The following MYO9A variants were observed in gnomAD, a reference collection of about 807,000 sequenced individuals.
The protein encoded by MYO9A is myosin IXA.
MYO9A carries 103 observed loss-of-function variants against 293.3 expected under a neutral mutation model. That is an observed-to-expected ratio of 0.35 (90% confidence interval 0.30 to 0.41). The LOEUF (loss-of-function observed/expected upper bound fraction) is 0.41, where lower values mean the gene tolerates loss of function less well. MYO9A is among the 10% of genes least tolerant of loss of function. The pLI is 1.00. For synonymous variants in MYO9A, 1,001 were observed against 1,035.7 expected (o/e 0.97, Z 0.64); for missense variants, 2,685 against 3,033.0 (o/e 0.89, Z 2.69).
chr15:71,893,209 A>T, intron 26 of MYO9A: 1 of 1,234,354 alleles, frequency 8.1e-7, no homozygotes, highest in South Asian at 1.4e-5. Flanking sequence ...CAAATAACAC[A>T]ACAATGTTTG....
intron 1 of MYO9A, among the ~76,000 whole-genome samples, chr15:72,088,661 C>T (rs893081992): frequency 1.3e-5 from 2 of 152,134 alleles, no homozygotes; most frequent in African/African-American, 4.8e-5. Flanking sequence ...GAACCAACAA[C>T]CAAAAAGAGC....
At position 72,064,154 on chromosome 15, in the gene MYO9A, C is replaced by T. The variant is rs1054802361; in HGVS notation, c.-71-17520G>A. Among the ~76,000 whole-genome samples the T allele has an allele frequency of 2.0e-5, 3 of 152,112 alleles. No individual in the cohort carries two copies. The South Asian group carries it at 6.2e-4, about 32-fold the overall frequency. ...AAATAAAGAGTAGAGTGATGGTTAT[C>T]AGAGGCTGGGAAGAGTAGTAAAGGG... On this transcript the variant is annotated intron_variant, in intron 1 of 41. Coordinates refer to ENST00000356056, the MANE Select transcript of MYO9A (RefSeq NM_006901.4).
rs1311044488 is a variant in MYO9A, at chr15:72,020,982, G to C, written c.1034C>G (p.Ala345Gly). The change falls in exon 5 of 42, where the codon GCA (alanine) becomes GGA (glycine). Residue 345 changes from alanine to glycine, a missense_variant. Ala to Gly is a moderately conservative substitution (Grantham distance 60). This residue lies in a region of MYO9A where 289 missense variants were observed against 456.8 expected (regional missense o/e 0.63). Coordinates refer to ENST00000356056, the MANE Select transcript of MYO9A (RefSeq NM_006901.4). ...YHVFYYLLAGASEDERSAFHL... is the reference protein window; with the variant it reads ...YHVFYYLLAGGSEDERSAFHL... Reference sequence around the variant, plus strand: ...GAATGCTGATCTCTCATCTTCACTTGCTCCTGCCAGGAGGTAATAGAATAC... The same window carrying C: ...GAATGCTGATCTCTCATCTTCACTTCCTCCTGCCAGGAGGTAATAGAATAC... 1.3e-6 allele frequency: 2 copies of C among 1,553,288 alleles called. No homozygotes were observed. The highest frequency in any genetic ancestry group is 1.7e-6 in the Non-Finnish European group (2 of 1,158,624).
intron 1 of MYO9A, among the ~76,000 whole-genome samples, chr15:72,101,783 C>G (rs1488561902): frequency 1.4e-5 from 2 of 146,252 alleles, no homozygotes; most frequent in African/African-American, 5.0e-5. Context: ...AGGAGCCCCT[C>G]TGCCAGGCCA....
intron 1 of MYO9A, chr15:72,117,085 TGA>T (rs1236734875): frequency 6.6e-6 from 1 of 152,210 alleles, no homozygotes; most frequent in East Asian, 1.9e-4. Context: ...AGAGGTCTGT[TGA>T]GAGAGGCTAC....
rs557404638 is a variant in MYO9A at position 71,898,148 on chromosome 15, C to T, written c.4355G>A (p.Gly1452Glu). 6.2e-7 allele frequency: 1 copy of T among 1,614,086 alleles called. No individual in the cohort carries two copies. The highest frequency in any genetic ancestry group is 1.7e-5 in the Admixed American group (1 of 59,996). Reference sequence around the variant, plus strand: ...GTTGATATCCAAAGTAAGAGCTTCCCCCGCTGTGTCTTCATTTTCCAATAG... The same window carrying T: ...GTTGATATCCAAAGTAAGAGCTTCCTCCGCTGTGTCTTCATTTTCCAATAG... ...NKLLENEDTA[G>E]EALTLDINRE... Residue 1452 changes from glycine (G) to glutamate (E), a missense_variant, in exon 25 of 42, where the codon GGG becomes GAG. Around this residue, in one of 10 missense-constraint regions of MYO9A, gnomAD observed 1,434 missense variants for 1,497.7 expected, o/e 0.96. Coordinates refer to ENST00000356056, the MANE Select transcript of MYO9A (RefSeq NM_006901.4).
chr15:72,030,284 T>C (rs1228046231), intron 3 of MYO9A, among the ~76,000 whole-genome samples: 2 of 152,182 alleles, frequency 1.3e-5, no homozygotes, highest in African/African-American at 4.8e-5. Context: ...GCCCCTATTT[T>C]ACAAGTATAG....
intron 25 of MYO9A, among the ~76,000 whole-genome samples, chr15:71,896,129 C>A (rs2057319833): frequency 1.3e-5 from 2 of 152,168 alleles, no homozygotes; most frequent in African/African-American, 4.8e-5. Context: ...TTAAGCTCAA[C>A]TGCACTTTGT....
In MYO9A at chr15:71,938,927, C is replaced by T. The variant is rs201780029; in HGVS notation, c.2303G>A (p.Ser768Asn). Residue 768 changes from serine (S) to asparagine (N), a missense_variant and splice_region_variant, in exon 16 of 42, where the codon AGT becomes AAT. By Grantham distance (46) the Ser-to-Asn change is conservative (BLOSUM62 1). This residue lies in a region of MYO9A where 1,434 missense variants were observed against 1,497.7 expected (regional missense o/e 0.96). Coordinates refer to ENST00000356056, the MANE Select transcript of MYO9A (RefSeq NM_006901.4). ...ILQRCKEEKY[S>N]ITRKNPRTPL... The stretch of plus-strand genomic sequence containing the variant: ...TGTTCTGGGATTTTTCCGGGTTATA[C>T]CTAGCAAAATTTAAAAAACAGAAAA... 1,127 of 1,604,080 alleles carry T rather than the reference C, an allele frequency of 7.0e-4. 11 individuals are homozygous for T. In the South Asian group the frequency reaches 0.01, roughly 15 times the overall value.
Position 71,828,001 on chromosome 15 carries a change from C to A in MYO9A, c.7066G>T (p.Val2356Leu). ...EKEELTFEML[V>L]LEPRASDDET... ...TCATCAGAGGCACGGGGTTCCAGTACAAGCATCTCAAATGTTAGCTCCTCC... is the reference window on the plus strand; with the variant it reads ...TCATCAGAGGCACGGGGTTCCAGTAAAAGCATCTCAAATGTTAGCTCCTCC... The change falls in exon 41 of 42, where the codon GTA becomes TTA. Residue 2356 changes from valine to leucine, a missense_variant. Physicochemically the swap from Val to Leu is conservative, Grantham distance 32. Coordinates refer to ENST00000356056, the MANE Select transcript of MYO9A (RefSeq NM_006901.4). 6.2e-7 allele frequency: 1 copy of A among 1,613,620 alleles called. No individual in the cohort carries two copies. Among genetic ancestry groups the A allele is most frequent in the South Asian group, 1.1e-5 (1 of 91,022 alleles).
At position 71,823,547 on chromosome 15, in the gene MYO9A, G is replaced by A. The variant is rs2054353021; in HGVS notation, c.*3033C>T. The A allele has an allele frequency of 6.6e-6, 1 of 152,158 alleles. No individual in the cohort carries two copies. The highest frequency in any genetic ancestry group is 2.4e-5 in the African/African-American group (1 of 41,424). 9.4% of individuals were successfully genotyped at this position (152,158 alleles called of 1,614,324 possible). ...CCCAGAGTGGCAAAATAATTTAAAT[G>A]GCAGGAGGTACAAAGTACGTTGTAA... On this transcript the variant is annotated 3_prime_UTR_variant, in exon 42 of 42. Coordinates refer to ENST00000356056, the MANE Select transcript of MYO9A (RefSeq NM_006901.4).
At chr15:72,077,749 AAAAATATATATATAT>A (rs1416496612) in intron 1 of MYO9A, among the ~76,000 whole-genome samples, 7 of 33,330 alleles carry the variant, frequency 2.1e-4, no homozygotes, top group African/African-American at 5.7e-4. Context: ...AAAAAAAAAA[AAAAATATATATATAT>A]ATATATATAT....
chr15:71,938,921 G>T lies in MYO9A; in HGVS notation c.2309C>A (p.Thr770Asn), dbSNP rs759490481. Reference sequence around the variant, plus strand: ...AAGAGGTGTTCTGGGATTTTTCCGGGTTATACCTAGCAAAATTTAAAAAAC... The same window carrying T: ...AAGAGGTGTTCTGGGATTTTTCCGGTTTATACCTAGCAAAATTTAAAAAAC... The part of the protein sequence containing the change: ...QRCKEEKYSI[T>N]RKNPRTPLSD... Residue 770 changes from threonine (T) to asparagine (N), a missense_variant, in exon 16 of 42, where the codon ACC becomes AAC. Thr to Asn is a moderately conservative substitution (Grantham distance 65). Around this residue, in one of 10 missense-constraint regions of MYO9A, gnomAD observed 1,434 missense variants for 1,497.7 expected, o/e 0.96. Transcript: ENST00000356056. The T allele has an allele frequency of 2.5e-6, 4 of 1,606,274 alleles. No homozygotes were observed. Among genetic ancestry groups the T allele is most frequent in the African/African-American group, 2.7e-5 (2 of 74,370 alleles).
chr15:71,898,381 G>A lies in MYO9A; in HGVS notation c.4122C>T (p.Leu1374=), dbSNP rs754974010. The change falls in exon 25 of 42, where the codon CTC becomes CTT. Residue 1374 remains leucine (L), a synonymous_variant. Transcript: ENST00000356056. ...CACTGCTAGTCTCATTTGAGGCACT[G>A]AGGGCATTGTCCCGTGAATCAAATT... ...SPKFDSRDNA[L]SASNETSSAE... is the part of the protein sequence containing the mutation. 10 of 1,613,508 alleles carry A rather than the reference G, an allele frequency of 6.2e-6. 1 individual carries two copies. The highest frequency in any genetic ancestry group is 4.4e-5 in the South Asian group (4 of 91,066).
intron 1 of MYO9A, among the ~76,000 whole-genome samples, chr15:72,101,837 C>A (rs1284934851): frequency 5.3e-3 from 758 of 141,722 alleles, no homozygotes; most frequent in African/African-American, 0.02. Flanking sequence ...GCCCCCCGCC[C>A]GGCCAGCCGC....
chr15:72,030,845 T>C (rs186700208), intron 3 of MYO9A, among the ~76,000 whole-genome samples: 2 of 152,182 alleles, frequency 1.3e-5, no homozygotes, highest in African/African-American at 4.8e-5. Context: ...TACATACCTA[T>C]GACAAAGTTT....
chr15:71,970,005 G>A (rs1292783174), intron 12 of MYO9A, among the ~76,000 whole-genome samples: 3 of 152,142 alleles, frequency 2.0e-5, no homozygotes, highest in African/African-American at 7.2e-5. Context: ...AGCATCAGTG[G>A]TATTTACAAA....
chr15:71,932,740 A>G (rs1248435286), intron 18 of MYO9A, among the ~76,000 whole-genome samples: 1 of 152,006 alleles, frequency 6.6e-6, no homozygotes, highest in East Asian at 1.9e-4. Context: ...TGTCACTGCA[A>G]TTCATATTTT....
chr15:71,830,427 G>C (rs2054675293), intron 39 of MYO9A, 116 bp from the exon 40 acceptor site: 1 of 961,392 alleles, frequency 1.0e-6, no homozygotes, highest in Non-Finnish European at 1.6e-6. Flanking sequence ...AGAATAAATG[G>C]AAACACTCTG....
Sources: gnomAD v4.1 joint callset for allele counts (sites outside exome capture counted in the v4.1 genomes callset) on GRCh38, gnomAD v4.1.1 for gene constraint, gnomAD v4.1.1 regional missense constraint, MANE v1.5 for transcripts, NCBI Gene and HGNC (gene_info 2026-07-23, HGNC 2026-07-21) for gene names.